Variants in AIDA observed in about 807,000 individuals in gnomAD.
The protein encoded by AIDA is axin interactor, dorsalization associated.
In AIDA, 18 loss-of-function variants were observed where a neutral mutation model predicts 42.7. The observed-to-expected ratio is 0.42, with a 90% CI of 0.29 to 0.63. AIDA has a LOEUF of 0.63. AIDA is among the 20% of genes least tolerant of loss of function. AIDA has a pLI of 0.19. For synonymous variants in AIDA, 104 were observed against 122.9 expected, an observed-to-expected ratio of 0.85 and a Z score of 1.02; for missense variants, 250 against 354.1, an observed-to-expected ratio of 0.71 and a Z score of 2.36.
chr1:222,672,929 T>A (rs1292095786), intron 8 of AIDA, among the ~76,000 whole-genome samples: 1 of 151,700 alleles, frequency 6.6e-6, no homozygotes, highest in African/African-American at 2.4e-5. Context: ...AACTGCAAGT[T>A]AAGTTATCGT....
chr1:222,682,779 T>C (rs1164727034), intron 6 of AIDA, among the ~76,000 whole-genome samples: 2 of 152,184 alleles, frequency 1.3e-5, no homozygotes, highest in Admixed American at 1.3e-4. Context: ...TGCATTATTT[T>C]GAGATAATTT....
Position 222,671,718 on chromosome 1 carries a change from TCTTCC to T in AIDA, c.707-1473_707-1469del, listed in dbSNP as rs565005766. ...CAATAGTTAGGTTACTGGTAACATC[TCTTCC>T]CTAGGTGTGTGACCTTGTCATTTCC... On this transcript the variant is annotated intron_variant, in intron 8 of 9. Transcript: ENST00000340020. 3.9e-3 allele frequency among the ~76,000 whole-genome samples: 594 copies of T among 152,322 alleles called. 1 individual carries two copies. Among genetic ancestry groups the T allele is most frequent in the Non-Finnish European group, 6.9e-3 (469 of 68,022 alleles).
chr1:222,682,726 T>A (rs1298211600), intron 6 of AIDA, among the ~76,000 whole-genome samples: 1 of 152,192 alleles, frequency 6.6e-6, no homozygotes, highest in African/African-American at 2.4e-5. Context: ...TATTTCTTTG[T>A]GCTGCCAAAA....
At chr1:222,700,262 C>A (rs74145538) in intron 2 of AIDA, among the ~76,000 whole-genome samples, 4,607 of 152,176 alleles carry the variant, frequency 0.03, 222 homozygotes, top group African/African-American at 0.099. Flanking sequence ...GTAAAGAAGG[C>A]AGGGCAGAAC....
chr1:222,668,635 ATG>A lies in AIDA; in HGVS notation c.*1256_*1257del, dbSNP rs1180609448. ...TTAAAAAGCAAACATACTGAATGGT[ATG>A]ACTAGGGTGATTACACTAGTTTAAA... On this transcript the variant is annotated 3_prime_UTR_variant, in exon 10 of 10. Coordinates refer to ENST00000340020, the MANE Select transcript of AIDA (RefSeq NM_022831.4). The A allele has an allele frequency of 3.5e-5, 3 of 86,556 alleles. No homozygotes were observed. Among genetic ancestry groups the A allele is most frequent in the Non-Finnish European group, 6.8e-5 (3 of 44,094 alleles). 5.4% of individuals were successfully genotyped at this position (86,556 alleles called of 1,614,324 possible).
At chr1:222,693,973 C>A in intron 3 of AIDA, 130 bp from the exon 4 acceptor site, 1 of 932,908 alleles carries the variant, frequency 1.1e-6, no homozygotes, top group East Asian at 2.6e-5. Context: ...ATGAAAAGTC[C>A]CAAACTGGTT....
At chr1:222,703,086 A>T in intron 2 of AIDA, 62 bp downstream of exon 2, 3 of 1,357,912 alleles carry the variant, frequency 2.2e-6, no homozygotes, top group Non-Finnish European at 3.0e-6. Context: ...TGCTTAATGA[A>T]CTCAAAAGAC....
At chr1:222,683,530 C>A (rs1415660869) in intron 6 of AIDA, among the ~76,000 whole-genome samples, 2 of 152,118 alleles carry the variant, frequency 1.3e-5, no homozygotes, top group South Asian at 4.1e-4. Flanking sequence ...CATAAGCCTA[C>A]GTAAGAGATG....
At chr1:222,673,192 A>G (rs1664479485) in intron 8 of AIDA, 121 bp downstream of exon 8, 1 of 889,650 alleles carries the variant, frequency 1.1e-6, no homozygotes, top group Admixed American at 3.3e-5. Flanking sequence ...TCAAATCAAT[A>G]AACACTATGT....
At chr1:222,684,091 G>C (rs979425869) in intron 6 of AIDA, among the ~76,000 whole-genome samples, 1 of 151,938 alleles carries the variant, frequency 6.6e-6, no homozygotes. Flanking sequence ...ACTCATTAAA[G>C]GTACATATTA....
chr1:222,688,939 G>A (rs1298622699), intron 4 of AIDA, among the ~76,000 whole-genome samples: 1 of 152,062 alleles, frequency 6.6e-6, no homozygotes, highest in African/African-American at 2.4e-5. Context: ...CATAGGAGAT[G>A]ACAGCTCCAT....
chr1:222,689,473 GTGTGTGTGTATA>G (rs1431225510), intron 4 of AIDA, among the ~76,000 whole-genome samples: 1 of 36,526 alleles, frequency 2.7e-5, no homozygotes, highest in East Asian at 1.3e-3. Context: ...ATATGTATGT[GTGTGTGTGTATA>G]TATATATATA....
At chr1:222,677,634 T>A (rs931201906) in intron 6 of AIDA, among the ~76,000 whole-genome samples, 1 of 152,202 alleles carries the variant, frequency 6.6e-6, no homozygotes, top group Non-Finnish European at 1.5e-5. Flanking sequence ...GAAATTAGAA[T>A]GTAATTGAAA....
At position 222,709,409 on chromosome 1, in the gene AIDA, T is replaced by A. The variant is rs11487858; in HGVS notation, c.110+2799A>T. On this transcript the variant is annotated intron_variant, in intron 1 of 9. Coordinates refer to ENST00000340020, the MANE Select transcript of AIDA (RefSeq NM_022831.4). ...TCGCGCCACTGCACTCCAGCCTGGGTGACAGAGCAAGACTCTGTCTCAGAA... is the reference window on the plus strand; with the variant it reads ...TCGCGCCACTGCACTCCAGCCTGGGAGACAGAGCAAGACTCTGTCTCAGAA... 2.6e-5 allele frequency among the ~76,000 whole-genome samples: 4 copies of A among 152,164 alleles called. 1 individual carries two copies. The South Asian group carries it at 6.2e-4, about 24-fold the overall frequency.
Position 222,687,653 on chromosome 1 carries a change from T to C in AIDA, c.295A>G (p.Lys99Glu). 1 of 1,484,948 alleles carries C rather than the reference T, an allele frequency of 6.7e-7. No homozygotes were observed. Among genetic ancestry groups the C allele is most frequent in the Admixed American group, 2.1e-5 (1 of 48,446 alleles). 92.0% of individuals were successfully genotyped at this position (1,484,948 alleles called of 1,614,324 possible). A position where few individuals can be genotyped will look rare whatever the true frequency, so the allele number is the denominator to read the frequency against. Residue 99 changes from lysine (K) to glutamate (E), a missense_variant, in exon 5 of 10, where the codon AAG becomes GAG. Lys to Glu is a moderately conservative substitution (Grantham distance 56, BLOSUM62 1). Coordinates refer to ENST00000340020, the MANE Select transcript of AIDA (RefSeq NM_022831.4). The part of the protein sequence containing the change: ...EDLKKLEPIL[K>E]NILTYNKEFP... The stretch of plus-strand genomic sequence containing the variant: ...TCTTTATTATATGTAAGAATATTCT[T>C]TAGGACTAGAATAAGAAGATAAAGA...
At chr1:222,705,557 G>A (rs1188292058) in intron 1 of AIDA, among the ~76,000 whole-genome samples, 2 of 152,154 alleles carry the variant, frequency 1.3e-5, no homozygotes, top group African/African-American at 4.8e-5. Context: ...ATAGGGAAAG[G>A]AAGGATGCTT....
At chr1:222,680,462 G>A (rs1264272020) in intron 6 of AIDA, among the ~76,000 whole-genome samples, 2 of 152,144 alleles carry the variant, frequency 1.3e-5, no homozygotes, top group African/African-American at 4.8e-5. Context: ...AGGAGAGGAA[G>A]GTTCTAAGCC....
At chr1:222,687,243 A>G (rs1279204965) in intron 5 of AIDA, among the ~76,000 whole-genome samples, 2 of 152,104 alleles carry the variant, frequency 1.3e-5, no homozygotes, top group Non-Finnish European at 2.9e-5. Context: ...CAGCCTGGGC[A>G]ATACGGTGAA....
intron 6 of AIDA, among the ~76,000 whole-genome samples, chr1:222,676,652 A>C (rs908124297): frequency 6.6e-6 from 1 of 152,086 alleles, no homozygotes; most frequent in African/African-American, 2.4e-5. Flanking sequence ...GAGTTGATCA[A>C]CAAATGCTTT....
Sources: gnomAD v4.1 joint callset for allele counts (sites outside exome capture counted in the v4.1 genomes callset) on GRCh38, gnomAD v4.1.1 for gene constraint, MANE v1.5 for transcripts, NCBI Gene and HGNC (gene_info 2026-07-23, HGNC 2026-07-21) for gene names.